Variants in TMC5 observed in about 807,000 individuals in gnomAD.
TMC5 encodes the protein transmembrane channel like 5, also known as transmembrane channel-like protein 5.
Under a neutral mutation model 110.5 loss-of-function variants are expected in TMC5, and 86 were observed. The observed-to-expected ratio is 0.78, with a 90% CI of 0.65 to 0.93. TMC5 has a LOEUF of 0.93. Among genes scored for constraint, TMC5 ranks in the 40% least tolerant of loss-of-function variants. The pLI, the probability that TMC5 is intolerant of heterozygous loss-of-function variation, is 0.00. For synonymous variants in TMC5, 455 were observed against 439.5 expected (o/e 1.04, Z -0.44); for missense variants, 1,144 against 1,222.8 (o/e 0.94, Z 0.96).
intron 1 of TMC5, among the ~76,000 whole-genome samples, chr16:19,419,499 G>A (rs868699048): frequency 5.5e-4 from 71 of 128,252 alleles, no homozygotes; most frequent in Non-Finnish European, 8.3e-4. Context: ...TGCAAGCTCC[G>A]CCTCCCAGGT....
At chr16:19,443,676 G>A (rs1412746260) in intron 3 of TMC5, among the ~76,000 whole-genome samples, 1 of 152,150 alleles carries the variant, frequency 6.6e-6, no homozygotes, top group African/African-American at 2.4e-5. Flanking sequence ...TGGAATGGAT[G>A]GATGGATGAA....
At chr16:19,467,040 G>T (rs1168771032) in intron 9 of TMC5, among the ~76,000 whole-genome samples, 2 of 152,076 alleles carry the variant, frequency 1.3e-5, no homozygotes, top group African/African-American at 4.8e-5. Flanking sequence ...CAGCTATTCG[G>T]GAGGCTGAGG....
intron 1 of TMC5, among the ~76,000 whole-genome samples, chr16:19,428,560 C>A (rs183933198): frequency 3.9e-5 from 6 of 152,226 alleles, no homozygotes; most frequent in South Asian, 2.1e-4. Flanking sequence ...AACACTATAC[C>A]TTAGACCATT....
At chr16:19,489,644 AT>A (rs34372092) in intron 17 of TMC5, among the ~76,000 whole-genome samples, 70,492 of 129,254 alleles carry the variant, frequency 0.55, 22,184 homozygotes, top group South Asian at 0.84. Flanking sequence ...TGCCTGGCTA[AT>A]TTTTTTTTTT....
intron 1 of TMC5, among the ~76,000 whole-genome samples, chr16:19,430,026 C>G (rs2143401997): frequency 6.6e-6 from 1 of 152,080 alleles, no homozygotes; most frequent in African/African-American, 2.4e-5. Context: ...GGATGCAACT[C>G]AACTCATAAC....
Position 19,440,696 on chromosome 16 carries a change from T to G in TMC5, c.658T>G (p.Phe220Val). 1 of 1,614,138 alleles carries G rather than the reference T, an allele frequency of 6.2e-7. No individual in the cohort carries two copies. The highest frequency in any genetic ancestry group is 8.5e-7 in the Non-Finnish European group (1 of 1,180,014). Residue 220 changes from phenylalanine (F) to valine (V), a missense_variant, in exon 3 of 22, where the codon TTT becomes GTT. Phe to Val is a conservative substitution (Grantham distance 50). Coordinates refer to ENST00000542583, the MANE Select transcript of TMC5 (RefSeq NM_001261841.2). ...CATTCAACCTAACTCTCCACCCTTT[T>G]TTGGGGAGCCAGACTATCCCAGTGC... is the stretch of plus-strand genomic sequence containing the variant. ...ADIQPNSPPF[F>V]GEPDYPSAED...
intron 4 of TMC5, 46 bp downstream of exon 4, chr16:19,444,296 A>C: frequency 1.3e-6 from 2 of 1,577,696 alleles, no homozygotes; most frequent in Non-Finnish European, 8.7e-7. Flanking sequence ...AAAAACTGAA[A>C]TCACTGGATT....
At chr16:19,471,851 C>T (rs1597203183) in intron 10 of TMC5, among the ~76,000 whole-genome samples, 1 of 152,186 alleles carries the variant, frequency 6.6e-6, no homozygotes, top group South Asian at 2.1e-4. Context: ...ACCTCCACCT[C>T]CTGGGTTCAA....
At position 19,456,843 on chromosome 16, in the gene TMC5, C is replaced by G. The variant is rs753715071; in HGVS notation, c.1049-3392C>G. The G allele has an allele frequency of 3.7e-6, 6 of 1,614,166 alleles. No individual in the cohort carries two copies. In the South Asian group the frequency reaches 6.6e-5, roughly 18 times the overall value. ...GACTCAAGCATCAACATGGTTTTGT[C>G]AATATCTGACATTGATGTGATAGAC... On this transcript the variant is annotated intron_variant, in intron 5 of 21. Coordinates refer to ENST00000542583, the MANE Select transcript of TMC5 (RefSeq NM_001261841.2).
intron 5 of TMC5, 98 bp downstream of exon 5, chr16:19,449,729 T>A (rs1967705027): frequency 9.3e-7 from 1 of 1,078,364 alleles, no homozygotes; most frequent in Non-Finnish European, 1.4e-6. Flanking sequence ...GGTGATTGGA[T>A]CATGGGGGTG....
intron 5 of TMC5, among the ~76,000 whole-genome samples, chr16:19,454,311 G>A (rs771247347): frequency 3.9e-5 from 6 of 152,178 alleles, no homozygotes; most frequent in African/African-American, 1.2e-4. Context: ...CTCCCAAAGT[G>A]CTGTGATTAG....
upstream of TMC5, among the ~76,000 whole-genome samples, chr16:19,414,634 C>T (rs1567292462): frequency 6.6e-6 from 1 of 152,174 alleles, no homozygotes; most frequent in Admixed American, 6.5e-5. Flanking sequence ...CCAAAGAGAC[C>T]AGGCACAGTG....
At chr16:19,495,404 A>G (rs903139134) in intron 20 of TMC5, among the ~76,000 whole-genome samples, 10 of 152,188 alleles carry the variant, frequency 6.6e-5, no homozygotes, top group African/African-American at 2.4e-4. Flanking sequence ...TGTTTATTAC[A>G]AAAGTGAGGC....
chr16:19,437,128 T>A (rs751175390), intron 2 of TMC5, among the ~76,000 whole-genome samples: 14 of 152,188 alleles, frequency 9.2e-5, no homozygotes, highest in Non-Finnish European at 2.1e-4. Flanking sequence ...CGAGCTGTGA[T>A]CATGCCACTG....
At chr16:19,419,282 T>G (rs1329617855) in intron 1 of TMC5, among the ~76,000 whole-genome samples, 1 of 151,898 alleles carries the variant, frequency 6.6e-6, no homozygotes, top group South Asian at 2.1e-4. Context: ...TAAATAGTGC[T>G]GTCTTCATGC....
chr16:19,489,359 G>A (rs921128271), intron 17 of TMC5, among the ~76,000 whole-genome samples: 1 of 151,836 alleles, frequency 6.6e-6, no homozygotes, highest in South Asian at 2.1e-4. Flanking sequence ...TTTTGAGACA[G>A]AGTCTCACTC....
At chr16:19,427,176 G>C (rs1340427502) in intron 1 of TMC5, among the ~76,000 whole-genome samples, 2 of 152,182 alleles carry the variant, frequency 1.3e-5, no homozygotes, top group Non-Finnish European at 2.9e-5. Context: ...AGTTCCGGCT[G>C]GGCACAATGG....
Position 19,487,155 on chromosome 16 carries a change from C to T in TMC5, c.2440-38C>T, listed in dbSNP as rs376696778. ...GGCTGGGGTCCCTCTGCCGCTGCTC[C>T]GGCTGCAGATGGGAGGTGGCTGCCT... On this transcript the variant is annotated intron_variant, in intron 16 of 21. Transcript: ENST00000542583. The T allele has an allele frequency of 4.5e-5, 72 of 1,604,030 alleles. 1 individual carries two copies. Among genetic ancestry groups the T allele is most frequent in the Non-Finnish European group, 5.1e-5 (60 of 1,174,558 alleles).
chr16:19,459,917 C>CAAAAAA (rs34853313), intron 5 of TMC5, among the ~76,000 whole-genome samples: 15 of 95,652 alleles, frequency 1.6e-4, no homozygotes, highest in African/African-American at 4.7e-4. Context: ...GATCCTGTCT[C>CAAAAAA]AAAAAAAAAA....
Sources: allele counts gnomAD v4.1 joint callset (sites outside exome capture counted in the v4.1 genomes callset), GRCh38; gene constraint gnomAD v4.1.1; transcripts MANE v1.5; gene names NCBI Gene and HGNC (gene_info 2026-07-23, HGNC 2026-07-21).